The following PRKG1 variants were observed in gnomAD, a reference collection of about 807,000 sequenced individuals.
PRKG1 encodes the protein protein kinase cGMP-dependent 1.
In PRKG1, 35 loss-of-function variants were observed where a neutral mutation model predicts 88.1. That is an observed-to-expected ratio of 0.40 (90% CI 0.30 to 0.53). The LOEUF (loss-of-function observed/expected upper bound fraction) is 0.53, where lower values mean the gene tolerates loss of function less well. Among genes scored for constraint, PRKG1 ranks in the 20% least tolerant of loss-of-function variants. PRKG1 has a pLI of 0.59. For synonymous variants in PRKG1, 303 were observed against 292.5 expected (o/e 1.04, Z -0.37); for missense variants, 540 against 839.8 (o/e 0.64, Z 4.41).
intron 3 of PRKG1, among the ~76,000 whole-genome samples, chr10:51,490,497 T>A (rs1840676371): frequency 6.6e-6 from 1 of 152,140 alleles, no homozygotes. Context: ...CATCAGTCTC[T>A]TTGTTCAGTA....
intron 3 of PRKG1, among the ~76,000 whole-genome samples, chr10:51,773,533 A>T (rs577674571): frequency 6.6e-6 from 1 of 152,106 alleles, no homozygotes; most frequent in African/African-American, 2.4e-5. Context: ...CTCCATGAAA[A>T]TGTCAAGGTT....
intron 4 of PRKG1, among the ~76,000 whole-genome samples, chr10:51,807,328 T>C (rs1839332977): frequency 6.6e-6 from 1 of 152,168 alleles, no homozygotes; most frequent in Non-Finnish European, 1.5e-5. Context: ...GCAGGTCCTA[T>C]TCTTCGGTAC....
At chr10:51,362,065 G>A (rs946081961) in intron 2 of PRKG1, among the ~76,000 whole-genome samples, 18 of 151,886 alleles carry the variant, frequency 1.2e-4, no homozygotes, top group African/African-American at 4.1e-4. Flanking sequence ...ACATAATTGT[G>A]AAGTGGATTT....
chr10:51,098,683 A>G (rs955620327), intron 1 of PRKG1, among the ~76,000 whole-genome samples: 2 of 152,072 alleles, frequency 1.3e-5, no homozygotes, highest in African/African-American at 2.4e-5. Flanking sequence ...AGACCCTTAA[A>G]CTCTCAACTT....
intron 5 of PRKG1, chr10:51,910,891 AAAG>A (rs1244864603): frequency 6.6e-6 from 1 of 152,206 alleles, no homozygotes; most frequent in African/African-American, 2.4e-5. Flanking sequence ...TCATGAGGTT[AAAG>A]AATTTCTGGA....
intron 3 of PRKG1, among the ~76,000 whole-genome samples, chr10:51,775,957 C>T (rs1212158666): frequency 1.3e-5 from 2 of 152,092 alleles, no homozygotes; most frequent in Non-Finnish European, 2.9e-5. Flanking sequence ...CGTTCTGTTT[C>T]CATTGTTATT....
At chr10:51,946,282 A>G (rs1843032027) in intron 5 of PRKG1, among the ~76,000 whole-genome samples, 1 of 151,960 alleles carries the variant, frequency 6.6e-6, no homozygotes, top group African/African-American at 2.4e-5. Context: ...TTCTTCCCAT[A>G]GTTCTCGAGC....
chr10:52,156,507 G>T (rs568585458), intron 8 of PRKG1, among the ~76,000 whole-genome samples: 2 of 151,898 alleles, frequency 1.3e-5, no homozygotes, highest in African/African-American at 4.8e-5. Flanking sequence ...TTGAATGGAT[G>T]GACTGATGGA....
At chr10:51,735,317 T>C (rs1029826301) in intron 3 of PRKG1, among the ~76,000 whole-genome samples, 1 of 152,218 alleles carries the variant, frequency 6.6e-6, no homozygotes, top group Non-Finnish European at 1.5e-5. Context: ...AATTGTCATT[T>C]GAGCTTGATG....
At chr10:52,020,514 A>G (rs1308102235) in intron 5 of PRKG1, among the ~76,000 whole-genome samples, 2 of 152,178 alleles carry the variant, frequency 1.3e-5, no homozygotes, top group African/African-American at 4.8e-5. Flanking sequence ...AAGGAGTGGA[A>G]GTTTATTTAA....
intron 4 of PRKG1, among the ~76,000 whole-genome samples, chr10:51,807,057 A>T (rs539075762): frequency 3.9e-5 from 6 of 152,190 alleles, no homozygotes; most frequent in African/African-American, 1.2e-4. Flanking sequence ...GGTTTATTGT[A>T]ATTTGACCTT....
chr10:52,275,997 G>A (rs886732784), intron 12 of PRKG1, among the ~76,000 whole-genome samples: 2 of 152,108 alleles, frequency 1.3e-5, no homozygotes, highest in African/African-American at 4.8e-5. Flanking sequence ...GTCACCATTG[G>A]TGTATAGAAG....
chr10:51,012,706 G>A (rs963525245), intron 1 of PRKG1, among the ~76,000 whole-genome samples: 3 of 152,204 alleles, frequency 2.0e-5, no homozygotes, highest in Non-Finnish European at 2.9e-5. Flanking sequence ...TTGGAGCCTG[G>A]TCTAGTAATA....
At chr10:51,180,317 A>C (rs1389271345) in intron 2 of PRKG1, among the ~76,000 whole-genome samples, 1 of 152,118 alleles carries the variant, frequency 6.6e-6, no homozygotes, top group Non-Finnish European at 1.5e-5. Flanking sequence ...CTATTGTCTG[A>C]TTCTTTTTTA....
chr10:51,093,692 T>A (rs1418424481), intron 1 of PRKG1, among the ~76,000 whole-genome samples: 1 of 147,570 alleles, frequency 6.8e-6, no homozygotes, highest in African/African-American at 2.5e-5. Flanking sequence ...ATATATATAT[T>A]TTATATGTAT....
chr10:51,849,426 T>C (rs1158581239), intron 4 of PRKG1, among the ~76,000 whole-genome samples: 1 of 152,196 alleles, frequency 6.6e-6, no homozygotes, highest in African/African-American at 2.4e-5. Context: ...GCACATTTTT[T>C]ATTTCTGGTC....
chr10:51,572,875 G>A (rs1837792438), intron 3 of PRKG1, among the ~76,000 whole-genome samples: 1 of 151,720 alleles, frequency 6.6e-6, no homozygotes, highest in East Asian at 1.9e-4. Flanking sequence ...AGAATTGAGG[G>A]GAGTAAGAAT....
At chr10:51,461,129 C>T (rs1037518219) in intron 2 of PRKG1, among the ~76,000 whole-genome samples, 14 of 151,990 alleles carry the variant, frequency 9.2e-5, no homozygotes, top group Admixed American at 6.6e-4. Context: ...TTTAGTATAA[C>T]GAAAATTGTT....
At chr10:51,275,858 A>G (rs1840102179) in intron 2 of PRKG1, among the ~76,000 whole-genome samples, 1 of 152,160 alleles carries the variant, frequency 6.6e-6, no homozygotes, top group African/African-American at 2.4e-5. Context: ...GGCAAGTAAA[A>G]GTGGCCCAGA....
Sources: allele counts gnomAD v4.1 joint callset (sites outside exome capture counted in the v4.1 genomes callset), GRCh38; gene constraint gnomAD v4.1.1; transcripts MANE v1.5; gene names NCBI Gene and HGNC (gene_info 2026-07-23, HGNC 2026-07-21).